Variants in FGGY observed in about 807,000 individuals in gnomAD.
FGGY encodes FGGY carbohydrate kinase domain-containing protein.
FGGY carries 72 observed loss-of-function variants against 71.3 expected under a neutral mutation model. The observed-to-expected ratio is 1.01, with a 90% CI of 0.84 to 1.23. The LOEUF (loss-of-function observed/expected upper bound fraction) is 1.23, where lower values mean the gene tolerates loss of function less well. Among genes scored for constraint, FGGY ranks in the 50% most tolerant of loss-of-function variants. FGGY has a pLI of 0.00. For missense variants in FGGY, 668 were observed against 682.3 expected, an observed-to-expected ratio of 0.98 and a Z score of 0.23; for synonymous variants, 251 against 250.3, an observed-to-expected ratio of 1.00 and a Z score of -0.02.
intron 8 of FGGY, among the ~76,000 whole-genome samples, chr1:59,582,795 G>A (rs768106852): frequency 2.7e-5 from 4 of 150,010 alleles, no homozygotes; most frequent in Admixed American, 1.3e-4. Flanking sequence ...ATATCACCAC[G>A]GCCTCATAAA....
intron 9 of FGGY, among the ~76,000 whole-genome samples, chr1:59,617,391 T>C (rs1009999338): frequency 6.6e-6 from 1 of 152,124 alleles, no homozygotes; most frequent in Admixed American, 6.6e-5. Flanking sequence ...ATTCTAAGTA[T>C]GTGAATAGAT....
intron 3 of FGGY, among the ~76,000 whole-genome samples, chr1:59,345,443 G>GACT (rs943270040): frequency 4.0e-5 from 6 of 150,986 alleles, no homozygotes; most frequent in Non-Finnish European, 7.4e-5. Flanking sequence ...TTACTGTGTG[G>GACT]ACTACAGGGT....
At chr1:59,333,423 C>T (rs1018216378) in intron 2 of FGGY, among the ~76,000 whole-genome samples, 2 of 152,190 alleles carry the variant, frequency 1.3e-5, no homozygotes, top group South Asian at 2.1e-4. Context: ...GCTCATCACA[C>T]CTTATTTTGC....
chr1:59,483,709 C>T (rs2093573959), intron 6 of FGGY, among the ~76,000 whole-genome samples: 1 of 152,064 alleles, frequency 6.6e-6, no homozygotes, highest in African/African-American at 2.4e-5. Flanking sequence ...TCAAAATTTG[C>T]ATTTTCATTT....
At chr1:59,599,601 G>A (rs2153807169) in intron 8 of FGGY, among the ~76,000 whole-genome samples, 1 of 150,920 alleles carries the variant, frequency 6.6e-6, no homozygotes, top group Non-Finnish European at 1.5e-5. Context: ...GGCTGAGGCA[G>A]GAGAATCACT....
chr1:59,566,914 C>G (rs1303102073), intron 8 of FGGY, among the ~76,000 whole-genome samples: 1 of 152,086 alleles, frequency 6.6e-6, no homozygotes, highest in Non-Finnish European at 1.5e-5. Context: ...TGGGATGATA[C>G]TAGTGTGTGG....
chr1:59,540,900 C>T (rs569959544), intron 7 of FGGY, among the ~76,000 whole-genome samples: 69 of 152,278 alleles, frequency 4.5e-4, no homozygotes, highest in African/African-American at 1.6e-3. Flanking sequence ...CACTTCCTGC[C>T]TGTATTAGGT....
At chr1:59,646,565 A>C (rs2097096515) in intron 11 of FGGY, among the ~76,000 whole-genome samples, 2 of 151,056 alleles carry the variant, frequency 1.3e-5, no homozygotes, top group South Asian at 4.2e-4. Context: ...TTTTACTGAA[A>C]AAATATATAT....
intron 6 of FGGY, among the ~76,000 whole-genome samples, chr1:59,499,929 G>T (rs754746804): frequency 6.6e-6 from 1 of 152,138 alleles, no homozygotes; most frequent in Non-Finnish European, 1.5e-5. Flanking sequence ...ATGTGTGTGT[G>T]TGTAAATATA....
upstream of FGGY, among the ~76,000 whole-genome samples, chr1:59,296,456 G>T (rs557321119): frequency 6.6e-6 from 1 of 152,366 alleles, no homozygotes; most frequent in African/African-American, 2.4e-5. Context: ...GGTAAGCTCC[G>T]CAAGGTGAGT....
intron 4 of FGGY, among the ~76,000 whole-genome samples, chr1:59,358,862 T>C (rs2054857577): frequency 6.6e-6 from 1 of 152,252 alleles, no homozygotes; most frequent in South Asian, 2.1e-4. Context: ...CCATTTATTC[T>C]TATGAAAATC....
At chr1:59,731,332 G>A (rs566464054) in intron 14 of FGGY, among the ~76,000 whole-genome samples, 13 of 152,204 alleles carry the variant, frequency 8.5e-5, no homozygotes, top group Admixed American at 3.3e-4. Context: ...AGACTTTCCC[G>A]GAATACTTCA....
At chr1:59,592,128 A>G (rs919268294) in intron 8 of FGGY, among the ~76,000 whole-genome samples, 3 of 152,268 alleles carry the variant, frequency 2.0e-5, no homozygotes, top group Admixed American at 6.5e-5. Context: ...GGCAAAGGAC[A>G]TGAACAGACA....
At chr1:59,553,557 C>T (rs367603186) in intron 7 of FGGY, among the ~76,000 whole-genome samples, 11 of 152,208 alleles carry the variant, frequency 7.2e-5, no homozygotes, top group East Asian at 3.9e-4. Context: ...TGGAGTTCTG[C>T]GATAAGTAGT....
At chr1:59,464,751 A>G (rs547376122) in intron 6 of FGGY, among the ~76,000 whole-genome samples, 1 of 152,350 alleles carries the variant, frequency 6.6e-6, no homozygotes, top group Non-Finnish European at 1.5e-5. Context: ...ACCTCTATGC[A>G]AATAAACTAG....
At chr1:59,761,466 G>A (rs1191946330) in intron 15 of FGGY, among the ~76,000 whole-genome samples, 1 of 152,136 alleles carries the variant, frequency 6.6e-6, no homozygotes, top group Admixed American at 6.5e-5. Flanking sequence ...GAGCACCCCA[G>A]AATTGAGCAA....
chr1:59,640,480 C>T (rs2097012043), intron 11 of FGGY, among the ~76,000 whole-genome samples: 1 of 152,114 alleles, frequency 6.6e-6, no homozygotes, highest in African/African-American at 2.4e-5. Flanking sequence ...GCAACAATAC[C>T]TACCTTCATG....
At chr1:59,375,370 C>A (rs1298489956) in intron 4 of FGGY, among the ~76,000 whole-genome samples, 1 of 152,040 alleles carries the variant, frequency 6.6e-6, no homozygotes, top group African/African-American at 2.4e-5. Context: ...GAGACATTTC[C>A]TCTCATTCAG....
chr1:59,523,611 T>C (rs1182904098), intron 7 of FGGY, among the ~76,000 whole-genome samples: 1 of 152,138 alleles, frequency 6.6e-6, no homozygotes, highest in African/African-American at 2.4e-5. Context: ...AGAAGGAAAA[T>C]TTCTTTGAAT....
Sources: allele counts gnomAD v4.1 joint callset (sites outside exome capture counted in the v4.1 genomes callset), GRCh38; gene constraint gnomAD v4.1.1; transcripts MANE v1.5; gene names NCBI Gene and HGNC (gene_info 2026-07-23, HGNC 2026-07-21).